EBF2: variants seen among roughly 807,000 people sequenced by gnomAD.
EBF2 encodes the protein transcription factor COE2.
A neutral mutation model predicts 72.8 loss-of-function variants in EBF2; 21 were observed. That is an observed-to-expected ratio of 0.29 (90% CI 0.20 to 0.42). The LOEUF (loss-of-function observed/expected upper bound fraction) is 0.42. Ranked by LOEUF, EBF2 falls within the 10% of genes least tolerant of loss-of-function variation. The pLI, the probability that EBF2 is intolerant of heterozygous loss-of-function variation, is 1.00. For missense variants in EBF2, 637 were observed against 731.2 expected (o/e 0.87, Z 1.49); for synonymous variants, 299 against 274.2 (o/e 1.09, Z -0.89).
chr8:25,938,085 G>C (rs577774955), intron 6 of EBF2, among the ~76,000 whole-genome samples: 1 of 152,270 alleles, frequency 6.6e-6, no homozygotes, highest in East Asian at 1.9e-4. Context: ...GGAATATTTT[G>C]AGCAGGGTGG....
Position 25,922,262 on chromosome 8 carries a change from AC to A in EBF2, c.552-13708del, listed in dbSNP as rs1390297448. Among the ~76,000 whole-genome samples, 12 of 149,258 alleles carry A rather than the reference AC, an allele frequency of 8.0e-5. No homozygotes were observed. In the East Asian group the frequency reaches 1.6e-3, roughly 20 times the overall value. ...GGCTGTTTTTGCTTAAAAAAAAAAA[AC>A]AAACAAAAAAAACACCTGGTTTTAT... On this transcript the variant is annotated intron_variant, in intron 6 of 15. Coordinates refer to ENST00000520164, the MANE Select transcript of EBF2 (RefSeq NM_022659.4).
chr8:25,990,475 C>G (rs972286606), intron 6 of EBF2, among the ~76,000 whole-genome samples: 1 of 152,136 alleles, frequency 6.6e-6, no homozygotes, highest in African/African-American at 2.4e-5. Context: ...GGGCCAAGCA[C>G]TCATGTTCAG....
chr8:26,029,101 G>A (rs1361816489), intron 6 of EBF2, among the ~76,000 whole-genome samples: 1 of 152,240 alleles, frequency 6.6e-6, no homozygotes, highest in African/African-American at 2.4e-5. Context: ...TTGAGAAGTG[G>A]AGAACTAAGT....
rs1329173089 is a variant in EBF2, at chr8:25,842,945, TGTG to T, written c.*1661_*1663del. 8 of 152,330 alleles carry T rather than the reference TGTG, an allele frequency of 5.3e-5. No homozygotes were observed. The highest frequency in any genetic ancestry group is 5.2e-4 in the Admixed American group (8 of 15,308). 9.4% of individuals were successfully genotyped at this position (152,330 alleles called of 1,614,324 possible). On this transcript the variant is annotated 3_prime_UTR_variant, in exon 16 of 16. Transcript: ENST00000520164. Reference sequence around the variant, plus strand: ...AACTAAGTCTGTGTATAGACTCTATTGTGGTGCTCATGAGTCAATAAGGAGAAC... The same window carrying T: ...AACTAAGTCTGTGTATAGACTCTATTGTGCTCATGAGTCAATAAGGAGAAC...
intron 6 of EBF2, among the ~76,000 whole-genome samples, chr8:25,967,160 A>G (rs1276531721): frequency 6.6e-6 from 1 of 152,248 alleles, no homozygotes; most frequent in Non-Finnish European, 1.5e-5. Context: ...CTACAGGGGA[A>G]CTAACATCGG....
In EBF2 at chr8:26,042,233, C is replaced by T. The variant is rs201474422; in HGVS notation, c.150G>A (p.Arg50=). 2 of 1,613,766 alleles carry T rather than the reference C, an allele frequency of 1.2e-6. No individual in the cohort carries two copies. The highest frequency in any genetic ancestry group is 2.2e-5 in the East Asian group (1 of 44,866). The change falls in exon 2 of 16, where the codon CGG becomes CGA. Residue 50 remains arginine, a synonymous_variant. Transcript: ENST00000520164. The stretch of plus-strand genomic sequence containing the variant: ...AAGGAGGCTGTTTCTCAAAGTGGGC[C>T]CGGGACAGGGCGACCCCGCTGCACA... ...VAAQSGVALS[R]AHFEKQPPSN... is the part of the protein sequence containing the mutation.
intron 1 of EBF2, among the ~76,000 whole-genome samples, chr8:26,043,987 G>T (rs1479996131): frequency 6.6e-6 from 1 of 152,204 alleles, no homozygotes; most frequent in African/African-American, 2.4e-5. Flanking sequence ...AGAGGCTGGC[G>T]ATCCCTGAGC....
chr8:25,976,650 AC>A (rs201485483), intron 6 of EBF2, among the ~76,000 whole-genome samples: 3 of 152,196 alleles, frequency 2.0e-5, no homozygotes, highest in South Asian at 4.2e-4. Flanking sequence ...ACAAAACAAA[AC>A]AAAAATCTTC....
intron 6 of EBF2, among the ~76,000 whole-genome samples, chr8:25,967,775 GGTTTGA>G (rs1387294927): frequency 1.3e-5 from 2 of 152,176 alleles, no homozygotes; most frequent in Non-Finnish European, 1.5e-5. Flanking sequence ...GTGATGCCTA[GGTTTGA>G]GTTTATGTTC....
chr8:25,953,063 A>G (rs1452305284), intron 6 of EBF2, among the ~76,000 whole-genome samples: 1 of 152,232 alleles, frequency 6.6e-6, no homozygotes, highest in African/African-American at 2.4e-5. Context: ...CTCCAAAAGA[A>G]AGGGGCCTTC....
chr8:25,981,403 A>T (rs1415349712), intron 6 of EBF2, among the ~76,000 whole-genome samples: 1 of 151,762 alleles, frequency 6.6e-6, no homozygotes. Flanking sequence ...TTCATTTTGG[A>T]ACTGGAGTAT....
At chr8:25,895,278 T>C (rs10107153) in intron 7 of EBF2, among the ~76,000 whole-genome samples, 17,208 of 152,240 alleles carry the variant, frequency 0.11, 1,470 homozygotes, top group African/African-American at 0.23. Flanking sequence ...CCCAAGTTTC[T>C]GAGAGAGAAA....
At chr8:26,017,854 C>T (rs1015159678) in intron 6 of EBF2, among the ~76,000 whole-genome samples, 2 of 152,134 alleles carry the variant, frequency 1.3e-5, no homozygotes, top group Non-Finnish European at 2.9e-5. Context: ...TGCCACCTCT[C>T]GACAAAAACG....
intron 13 of EBF2, among the ~76,000 whole-genome samples, chr8:25,859,196 C>T (rs1483513616): frequency 1.3e-5 from 2 of 152,148 alleles, no homozygotes; most frequent in African/African-American, 4.8e-5. Flanking sequence ...AGATGTTATG[C>T]ACTGTAGCCA....
At chr8:26,014,184 G>A (rs1425958538) in intron 6 of EBF2, among the ~76,000 whole-genome samples, 1 of 151,862 alleles carries the variant, frequency 6.6e-6, no homozygotes, top group African/African-American at 2.4e-5. Flanking sequence ...TTAATGAATG[G>A]CATATATTTT....
At chr8:25,960,394 A>G (rs770590313) in intron 6 of EBF2, among the ~76,000 whole-genome samples, 6 of 152,242 alleles carry the variant, frequency 3.9e-5, no homozygotes, top group Non-Finnish European at 7.3e-5. Context: ...AGTACTGCCC[A>G]TCATCCCAAC....
intron 6 of EBF2, among the ~76,000 whole-genome samples, chr8:26,020,690 G>C (rs1047167178): frequency 1.3e-5 from 2 of 151,996 alleles, no homozygotes; most frequent in Non-Finnish European, 2.9e-5. Context: ...GCAGGGGTGG[G>C]GTTAACTTTG....
At chr8:25,997,524 T>C (rs1314343892) in intron 6 of EBF2, among the ~76,000 whole-genome samples, 2 of 149,146 alleles carry the variant, frequency 1.3e-5, no homozygotes, top group Non-Finnish European at 3.0e-5. Flanking sequence ...TGAGCCAAGA[T>C]TGTACCACTG....
intron 6 of EBF2, among the ~76,000 whole-genome samples, chr8:26,005,176 T>A (rs991823241): frequency 7.7e-6 from 1 of 129,544 alleles, no homozygotes; most frequent in East Asian, 2.2e-4. Context: ...AAGAAGTTAG[T>A]TAGATATAAA....
Sources: allele counts gnomAD v4.1 joint callset (sites outside exome capture counted in the v4.1 genomes callset), GRCh38; gene constraint gnomAD v4.1.1; transcripts MANE v1.5; gene names NCBI Gene and HGNC (gene_info 2026-07-23, HGNC 2026-07-21).